RCOR1: variants seen among roughly 807,000 people sequenced by gnomAD.
RCOR1 encodes the protein REST corepressor 1.
Under a neutral mutation model 64.0 loss-of-function variants are expected in RCOR1, and 12 were observed. That is an observed-to-expected ratio of 0.19 (90% CI 0.12 to 0.30). The LOEUF is 0.30. RCOR1 is among the 10% of genes least tolerant of loss of function. The pLI, the probability that RCOR1 is intolerant of heterozygous loss-of-function variation, is 1.00. For synonymous variants in RCOR1, 279 were observed against 227.2 expected (o/e 1.23, Z -2.05); for missense variants, 502 against 621.2 (o/e 0.81, Z 2.04).
intron 2 of RCOR1, among the ~76,000 whole-genome samples, chr14:102,674,589 A>G (rs1895100564): frequency 6.6e-6 from 1 of 152,190 alleles, no homozygotes; most frequent in Non-Finnish European, 1.5e-5. Flanking sequence ...CAAGGTATCC[A>G]CACGTCCACT....
intron 3 of RCOR1, among the ~76,000 whole-genome samples, chr14:102,700,827 A>C (rs1475234642): frequency 6.6e-6 from 1 of 152,198 alleles, no homozygotes; most frequent in East Asian, 1.9e-4. Context: ...CAAGTGTATT[A>C]GTCCGTTTTT....
Position 102,708,475 on chromosome 14 carries a change from A to C in RCOR1, c.671A>C (p.Lys224Thr), listed in dbSNP as rs761456821. 4 of 1,525,362 alleles carry C rather than the reference A, an allele frequency of 2.6e-6. No individual in the cohort carries two copies. In the African/African-American group the frequency reaches 5.5e-5, roughly 21 times the overall value. 94.5% of individuals were successfully genotyped at this position (1,525,362 alleles called of 1,614,324 possible). A position where few individuals can be genotyped will look rare whatever the true frequency, so the allele number is the denominator to read the frequency against. The part of the protein sequence containing the change: ...FHRIQQMLPD[K>T]SIASLVKFYY... ...ATTTTTTATGTTTAGCTTCCAGATA[A>C]ATCTATAGCAAGTCTGGTGAAATTT... Residue 224 changes from lysine (K) to threonine (T), a missense_variant, in exon 6 of 12, where the codon AAA becomes ACA. Lys to Thr is a moderately conservative substitution (Grantham distance 78, BLOSUM62 -1). Coordinates refer to ENST00000262241, the MANE Select transcript of RCOR1 (RefSeq NM_015156.4).
intron 2 of RCOR1, among the ~76,000 whole-genome samples, chr14:102,654,586 G>A (rs1237682760): frequency 1.3e-5 from 2 of 152,000 alleles, no homozygotes; most frequent in Admixed American, 6.6e-5. Context: ...AATTAATGAG[G>A]CCAGGCGCAC....
chr14:102,660,709 A>T (rs1471043420), intron 2 of RCOR1, among the ~76,000 whole-genome samples: 1 of 152,188 alleles, frequency 6.6e-6, no homozygotes, highest in Non-Finnish European at 1.5e-5. Context: ...AAGAAAATAG[A>T]TGTGTCTTTT....
At position 102,647,603 on chromosome 14, in the gene RCOR1, G is replaced by A. The variant is rs937528922; in HGVS notation, c.362-34292G>A. 5.3e-5 allele frequency among the ~76,000 whole-genome samples: 8 copies of A among 152,264 alleles called. No individual in the cohort carries two copies. The East Asian group carries it at 5.8e-4, about 11-fold the overall frequency. ...CAAAGTGCTGGGATTACAGGCGTGAGCCACTGCACCTGGCCCAATTTAGGA... is the reference window on the plus strand; with the variant it reads ...CAAAGTGCTGGGATTACAGGCGTGAACCACTGCACCTGGCCCAATTTAGGA... On this transcript the variant is annotated intron_variant, in intron 2 of 11. Transcript: ENST00000262241.
chr14:102,722,350 G>A lies in RCOR1; in HGVS notation c.1353G>A (p.Gly451=). The A allele has an allele frequency of 6.2e-7, 1 of 1,614,102 alleles. No homozygotes were observed. The highest frequency in any genetic ancestry group is 8.5e-7 in the Non-Finnish European group (1 of 1,180,016). ...EAEHGKEETN[G]PSNQKPVKSP... ...AACATGGTAAAGAAGAGACCAATGG[G>A]CCCAGTAACCAGAAGCCTGTGAAGT... is the stretch of plus-strand genomic sequence containing the variant. Residue 451 remains glycine, a synonymous_variant, in exon 11 of 12, where the codon GGG becomes GGA. Coordinates refer to ENST00000262241, the MANE Select transcript of RCOR1 (RefSeq NM_015156.4).
At chr14:102,623,074 T>G (rs533327629) in intron 2 of RCOR1, among the ~76,000 whole-genome samples, 1 of 152,190 alleles carries the variant, frequency 6.6e-6, no homozygotes, top group African/African-American at 2.4e-5. Flanking sequence ...ATGTCTTGGT[T>G]ATGTCTGAAC....
At chr14:102,629,021 G>C (rs914879856) in intron 2 of RCOR1, among the ~76,000 whole-genome samples, 1 of 151,680 alleles carries the variant, frequency 6.6e-6, no homozygotes, top group Admixed American at 6.6e-5. Context: ...CCCTCCCCAA[G>C]TAGCTGGGAC....
chr14:102,660,219 T>C (rs1894802361), intron 2 of RCOR1, among the ~76,000 whole-genome samples: 1 of 152,206 alleles, frequency 6.6e-6, no homozygotes, highest in Admixed American at 6.5e-5. Flanking sequence ...GGTTATCTTG[T>C]GGATATGCTG....
chr14:102,645,396 A>C lies in RCOR1; in HGVS notation c.362-36499A>C, dbSNP rs199538999. ...GCCTGGAAATATCCTTAGGTAGATC[A>C]TGGAGTTTATTAGGTGCATTTCCTG... On this transcript the variant is annotated intron_variant, in intron 2 of 11. Coordinates refer to ENST00000262241, the MANE Select transcript of RCOR1 (RefSeq NM_015156.4). Among the ~76,000 whole-genome samples, 5 of 152,240 alleles carry C rather than the reference A, an allele frequency of 3.3e-5. No individual in the cohort carries two copies. In the East Asian group the frequency reaches 9.6e-4, roughly 29 times the overall value.
At chr14:102,721,712 T>A (rs1031294516) in intron 10 of RCOR1, among the ~76,000 whole-genome samples, 1 of 152,156 alleles carries the variant, frequency 6.6e-6, no homozygotes, top group Admixed American at 6.5e-5. Context: ...TCCTTTGGGC[T>A]TTTTTCTTTT....
At chr14:102,656,247 C>T (rs1429775038) in intron 2 of RCOR1, 2 of 307,724 alleles carry the variant, frequency 6.5e-6, no homozygotes, top group East Asian at 1.8e-4. Flanking sequence ...TCAAGCGATT[C>T]TCCTGCCTCA....
intron 8 of RCOR1, among the ~76,000 whole-genome samples, chr14:102,717,332 T>C (rs1422752363): frequency 1.3e-5 from 2 of 152,220 alleles, no homozygotes; most frequent in Non-Finnish European, 2.9e-5. Context: ...CCAACTGTCA[T>C]CTCATAGACG....
intron 11 of RCOR1, among the ~76,000 whole-genome samples, 161 bp downstream of exon 11, chr14:102,722,577 C>G (rs2139995873): frequency 6.6e-6 from 1 of 152,290 alleles, no homozygotes; most frequent in South Asian, 2.1e-4. Context: ...TGCATTGACT[C>G]CAGTTCTTGG....
At chr14:102,599,276 C>G (rs1312291127) in intron 2 of RCOR1, among the ~76,000 whole-genome samples, 1 of 151,998 alleles carries the variant, frequency 6.6e-6, no homozygotes, top group Non-Finnish European at 1.5e-5. Context: ...CTACAGATGT[C>G]CACGACCATG....
At chr14:102,706,487 T>C (rs942750447) in intron 4 of RCOR1, among the ~76,000 whole-genome samples, 2 of 152,178 alleles carry the variant, frequency 1.3e-5, no homozygotes, top group African/African-American at 4.8e-5. Context: ...CATTCACTGT[T>C]GGTGGGAATG....
At chr14:102,613,677 C>T (rs1338503301) in intron 2 of RCOR1, among the ~76,000 whole-genome samples, 2 of 151,402 alleles carry the variant, frequency 1.3e-5, no homozygotes, top group Non-Finnish European at 2.9e-5. Flanking sequence ...GCCTCGGCCT[C>T]CCAAAGTGCT....
At chr14:102,699,519 C>T (rs1456185363) in intron 3 of RCOR1, among the ~76,000 whole-genome samples, 2 of 152,282 alleles carry the variant, frequency 1.3e-5, no homozygotes, top group East Asian at 3.9e-4. Flanking sequence ...TGACAGTTCT[C>T]CCAGAGCTGG....
At position 102,721,007 on chromosome 14, in the gene RCOR1, A is replaced by T; in HGVS notation, c.1054A>T (p.Ile352Phe). The stretch of plus-strand genomic sequence containing the variant: ...ATGAAAATTATTTTTTCCTTCCTAG[A>T]TCCAGAATATTAAACAGACAAACAG... The part of the protein sequence containing the change: ...DMELVSVKRQ[I>F]QNIKQTNSAL... The change falls in exon 9 of 12, where the codon ATC becomes TTC. Residue 352 changes from isoleucine (I) to phenylalanine (F), a missense_variant and splice_region_variant. By Grantham distance (21) the Ile-to-Phe change is conservative (BLOSUM62 0). Transcript: ENST00000262241. The T allele has an allele frequency of 6.8e-7, 1 of 1,476,946 alleles. No homozygotes were observed. Among genetic ancestry groups the T allele is most frequent in the Non-Finnish European group, 9.2e-7 (1 of 1,084,910 alleles). The allele number at this position is 1,476,946 out of a possible 1,614,324, so 91.5% of individuals were successfully genotyped here. A position where few individuals can be genotyped will look rare whatever the true frequency, so the allele number is the denominator to read the frequency against.
Sources: gnomAD v4.1 joint callset for allele counts (sites outside exome capture counted in the v4.1 genomes callset) on GRCh38, gnomAD v4.1.1 for gene constraint, MANE v1.5 for transcripts, NCBI Gene and HGNC (gene_info 2026-07-23, HGNC 2026-07-21) for gene names.